The following C12orf42 variants were observed in gnomAD, a reference collection of about 807,000 sequenced individuals.
C12orf42 encodes the protein uncharacterized protein C12orf42.
C12orf42 carries 25 observed loss-of-function variants against 21.6 expected under a neutral mutation model. That is an observed-to-expected ratio of 1.16 (90% CI 0.84 to 1.62). C12orf42 has a LOEUF of 1.62. C12orf42 is among the 40% of genes most tolerant of loss of function. C12orf42 has a pLI of 0.00. For missense variants in C12orf42, 483 were observed against 459.3 expected (o/e 1.05, Z -0.47); for synonymous variants, 174 against 175.0 (o/e 0.99, Z 0.05).
At chr12:103,446,544 T>C (rs1385007400) in intron 2 of C12orf42, among the ~76,000 whole-genome samples, 1 of 151,962 alleles carries the variant, frequency 6.6e-6, no homozygotes, top group Non-Finnish European at 1.5e-5. Flanking sequence ...GCCTAAATGC[T>C]CCACTTAAAA....
At chr12:103,426,992 C>A (rs1360031987) in intron 2 of C12orf42, among the ~76,000 whole-genome samples, 2 of 152,092 alleles carry the variant, frequency 1.3e-5, no homozygotes, top group Non-Finnish European at 2.9e-5. Flanking sequence ...CAGTACCAGC[C>A]ACTGCAAAAA....
chr12:103,359,495 AAT>A lies in C12orf42; in HGVS notation c.259+9390_259+9391del, dbSNP rs61509364. On this transcript the variant is annotated intron_variant, in intron 4 of 5. Transcript: ENST00000548883. Reference sequence around the variant, plus strand: ...CCACTTAGCCATAAAAAGGACTATGAATATATATATATACAAGGATGCATTAC... The same window carrying A: ...CCACTTAGCCATAAAAAGGACTATGAATATATATATACAAGGATGCATTAC... Among the ~76,000 whole-genome samples, 5 of 151,750 alleles carry A rather than the reference AAT, an allele frequency of 3.3e-5. 1 individual carries two copies. The highest frequency in any genetic ancestry group is 3.3e-4 in the Admixed American group (5 of 15,218).
intron 4 of C12orf42, among the ~76,000 whole-genome samples, chr12:103,358,473 C>A (rs1412022094): frequency 2.6e-5 from 4 of 151,974 alleles, no homozygotes; most frequent in African/African-American, 9.7e-5. Flanking sequence ...AAAAACCCCC[C>A]AGACTTTGTG....
the C12orf42 span, among the ~76,000 whole-genome samples, chr12:103,514,924 C>T: frequency 6.6e-6 from 1 of 152,126 alleles, no homozygotes; most frequent in Non-Finnish European, 1.5e-5. Context: ...ATTTTGCCCC[C>T]TACCCTTACC....
At chr12:103,072,813 A>G in the C12orf42 span, among the ~76,000 whole-genome samples, 10 of 152,176 alleles carry the variant, frequency 6.6e-5, no homozygotes, top group African/African-American at 2.4e-4. Context: ...GACTGGTGTG[A>G]GAGAGTATCT....
chr12:103,273,710 A>G (rs2035596567), intron 5 of C12orf42: 2 of 395,004 alleles, frequency 5.1e-6, no homozygotes, highest in South Asian at 3.8e-5. Context: ...TTACTTTAGG[A>G]AGCCAGAAAT....
At chr12:103,102,766 T>C in the C12orf42 span, among the ~76,000 whole-genome samples, 1 of 152,188 alleles carries the variant, frequency 6.6e-6, no homozygotes, top group Non-Finnish European at 1.5e-5. Context: ...CAGGTTGAGG[T>C]TTGCTGGATT....
intron 4 of C12orf42, among the ~76,000 whole-genome samples, chr12:103,294,440 A>AGGAG (rs1566025241): frequency 5.7e-5 from 7 of 122,538 alleles, no homozygotes; most frequent in African/African-American, 2.2e-4. Flanking sequence ...GAAAGAAAGA[A>AGGAG]AGAAAGAAAG....
chr12:103,520,621 C>T, the C12orf42 span, among the ~76,000 whole-genome samples: 1 of 152,110 alleles, frequency 6.6e-6, no homozygotes, highest in East Asian at 1.9e-4. Flanking sequence ...GAACTCACAA[C>T]TGCAGTGAGC....
chr12:103,440,457 C>CAAAAAAAAAAA lies in C12orf42; in HGVS notation c.78+37881_78+37891dup. 1.3e-3 allele frequency among the ~76,000 whole-genome samples: 92 copies of CAAAAAAAAAAA among 69,686 alleles called. 2 individuals carry two copies. Among genetic ancestry groups the CAAAAAAAAAAA allele is most frequent in the Middle Eastern group, 0.016 (1 of 64 alleles). 45.7% of individuals were successfully genotyped at this position (69,686 alleles called of 152,430 possible). ...AAATAAATAAAAGCCTCACAGATAC[C>CAAAAAAAAAAA]AAAAAAAAAAAAAAAAAAAAAAGAA... On this transcript the variant is annotated intron_variant, in intron 2 of 5. Transcript: ENST00000548883.
intron 4 of C12orf42, among the ~76,000 whole-genome samples, chr12:103,368,612 C>A (rs2044857545): frequency 6.6e-6 from 1 of 152,030 alleles, no homozygotes; most frequent in African/African-American, 2.4e-5. Flanking sequence ...TATTGCTATC[C>A]TTTTTGAAAA....
chr12:103,442,358 G>T (rs538343748), intron 2 of C12orf42, among the ~76,000 whole-genome samples: 1 of 152,212 alleles, frequency 6.6e-6, no homozygotes, highest in Admixed American at 6.5e-5. Context: ...ACAGTTCTGT[G>T]AACAATGACG....
At chr12:103,360,894 A>G (rs892369114) in intron 4 of C12orf42, among the ~76,000 whole-genome samples, 1 of 152,114 alleles carries the variant, frequency 6.6e-6, no homozygotes, top group Non-Finnish European at 1.5e-5. Context: ...CATAAAATAT[A>G]TTACTCTGAA....
chr12:103,247,244 TGTAA>T (rs1016470778), intron 10 of C12orf42, among the ~76,000 whole-genome samples: 1 of 151,632 alleles, frequency 6.6e-6, no homozygotes. Flanking sequence ...GAAATAGAAG[TGTAA>T]GTGTTATAGA....
intron 2 of C12orf42, among the ~76,000 whole-genome samples, chr12:103,458,961 A>AG (rs909373481): frequency 3.3e-5 from 5 of 152,204 alleles, no homozygotes; most frequent in African/African-American, 9.6e-5. Context: ...GTGCAAAAAA[A>AG]AAAACGTATT....
At chr12:103,198,773 C>T in the C12orf42 span, among the ~76,000 whole-genome samples, 1 of 152,154 alleles carries the variant, frequency 6.6e-6, no homozygotes, top group Non-Finnish European at 1.5e-5. Flanking sequence ...TTAGCAATCC[C>T]ATGCAGGGTT....
the C12orf42 span, among the ~76,000 whole-genome samples, chr12:103,050,093 C>G: frequency 6.6e-6 from 1 of 152,168 alleles, no homozygotes; most frequent in East Asian, 1.9e-4. Flanking sequence ...TAGAACAGTG[C>G]CTGGCACAGA....
At chr12:103,157,088 C>G in the C12orf42 span, among the ~76,000 whole-genome samples, 1 of 152,168 alleles carries the variant, frequency 6.6e-6, no homozygotes, top group East Asian at 1.9e-4. Flanking sequence ...TACATTCCTA[C>G]CAACAGTGTA....
the C12orf42 span, among the ~76,000 whole-genome samples, chr12:103,121,541 C>T: frequency 6.6e-6 from 1 of 152,214 alleles, no homozygotes; most frequent in Non-Finnish European, 1.5e-5. Context: ...GAAGAATAGA[C>T]AGCATGCAGA....
Sources: allele counts gnomAD v4.1 joint callset (sites outside exome capture counted in the v4.1 genomes callset), GRCh38; gene constraint gnomAD v4.1.1; transcripts MANE v1.5; gene names NCBI Gene and HGNC (gene_info 2026-07-23, HGNC 2026-07-21).